PRSS12: variants seen among roughly 807,000 people sequenced by gnomAD.
PRSS12 encodes serine protease 12.
A neutral mutation model predicts 104.4 loss-of-function variants in PRSS12; 85 were observed. The ratio of observed to expected loss-of-function variants is 0.81; its 90% CI spans 0.68 to 0.98. The LOEUF is 0.98. Ranked by LOEUF, PRSS12 falls within the 50% of genes least tolerant of loss-of-function variation. The pLI is 0.00. For missense variants in PRSS12, 1,141 were observed against 1,139.2 expected, an observed-to-expected ratio of 1.00 and a Z score of -0.02; for synonymous variants, 454 against 425.2, an observed-to-expected ratio of 1.07 and a Z score of -0.83.
chr4:118,336,167 G>C (rs979970914), intron 2 of PRSS12, among the ~76,000 whole-genome samples: 1 of 152,038 alleles, frequency 6.6e-6, no homozygotes, highest in African/African-American at 2.4e-5. Flanking sequence ...ATAATATCAC[G>C]GGAGGCAATC....
rs79790938 is a variant in PRSS12, at chr4:118,350,556, G to A, written c.502+1663C>T. On this transcript the variant is annotated intron_variant, in intron 1 of 12. Coordinates refer to ENST00000296498, the MANE Select transcript of PRSS12 (RefSeq NM_003619.4). ...GAGTGGTTTCTTTTGTTTCTCTTTT[G>A]TTCAATCACTTTACTCCAGGAAGTA... 8.8e-3 allele frequency among the ~76,000 whole-genome samples: 1,343 copies of A among 152,134 alleles called. 45 individuals carry two copies. In the East Asian group the frequency reaches 0.13, roughly 15 times the overall value.
rs1743242736 is a variant in PRSS12, at chr4:118,295,914, G to A, written c.1838-58C>T. 21 of 1,439,322 alleles carry A rather than the reference G, an allele frequency of 1.5e-5. 1 individual carries two copies. Among genetic ancestry groups the A allele is most frequent in the Middle Eastern group, 3.5e-4 (2 of 5,708 alleles). The allele number at this position is 1,439,322 out of a possible 1,614,324, so 89.2% of individuals were successfully genotyped here. ...CACATTGCTGACAGAGGGGTAAGAC[G>A]ATAAGTGACATACTCCACTGATGCT... On this transcript the variant is annotated intron_variant, in intron 9 of 12. Coordinates refer to ENST00000296498, the MANE Select transcript of PRSS12 (RefSeq NM_003619.4).
Position 118,281,821 on chromosome 4 carries a change from A to T in PRSS12, c.*115T>A. The T allele has an allele frequency of 1.3e-6, 1 of 741,806 alleles. No individual in the cohort carries two copies. Among genetic ancestry groups the T allele is most frequent in the East Asian group, 2.5e-5 (1 of 39,676 alleles). 46.0% of individuals were successfully genotyped at this position (741,806 alleles called of 1,614,324 possible). A position where few individuals can be genotyped will look rare whatever the true frequency, so the allele number is the denominator to read the frequency against. On this transcript the variant is annotated 3_prime_UTR_variant, in exon 13 of 13. Transcript: ENST00000296498. Reference sequence around the variant, plus strand: ...AGCAGGGGGTACACAATTTTTTACCACAACACAAAGCAAAAACAGATCTTG... The same window carrying T: ...AGCAGGGGGTACACAATTTTTTACCTCAACACAAAGCAAAAACAGATCTTG...
Position 118,280,550 on chromosome 4 carries a change from T to A in PRSS12, c.*1386A>T, listed in dbSNP as rs1354824947. Reference sequence around the variant, plus strand: ...TTTGATGTAGAAGGGCAAAGTCCTTTAATGACTGGCATTCAAGAGGATTAC... The same window carrying A: ...TTTGATGTAGAAGGGCAAAGTCCTTAAATGACTGGCATTCAAGAGGATTAC... On this transcript the variant is annotated 3_prime_UTR_variant, in exon 13 of 13. Transcript: ENST00000296498. 1.3e-5 allele frequency: 2 copies of A among 152,258 alleles called. No individual in the cohort carries two copies. Among genetic ancestry groups the A allele is most frequent in the African/African-American group, 2.4e-5 (1 of 41,466 alleles). The allele number at this position is 152,258 out of a possible 1,614,324, so 9.4% of individuals were successfully genotyped here.
At chr4:118,289,568 T>C (rs1262595706) in intron 11 of PRSS12, among the ~76,000 whole-genome samples, 2 of 152,214 alleles carry the variant, frequency 1.3e-5, no homozygotes, top group Non-Finnish European at 2.9e-5. Flanking sequence ...CAGTCTCTAT[T>C]TTGCAAATTT....
At chr4:118,295,318 A>C (rs1041632489) in intron 10 of PRSS12, among the ~76,000 whole-genome samples, 2 of 152,248 alleles carry the variant, frequency 1.3e-5, no homozygotes, top group African/African-American at 4.8e-5. Context: ...TCTTAGAAAC[A>C]AGTTGTCTTC....
Position 118,318,602 on chromosome 4 carries a change from A to G in PRSS12, c.972-46T>C, listed in dbSNP as rs755285669. On this transcript the variant is annotated intron_variant, in intron 4 of 12. Coordinates refer to ENST00000296498, the MANE Select transcript of PRSS12 (RefSeq NM_003619.4). ...AAGGATTCTGGATTAGATACCAAAG[A>G]TTGGTCTTTTATTTTTTTTTTGTCC... 5.7e-6 allele frequency: 9 copies of G among 1,575,340 alleles called. No individual in the cohort carries two copies. In the South Asian group the frequency reaches 8.0e-5, roughly 14 times the overall value.
chr4:118,310,744 C>T (rs140244988), intron 7 of PRSS12, among the ~76,000 whole-genome samples: 2 of 152,180 alleles, frequency 1.3e-5, no homozygotes, highest in East Asian at 3.9e-4. Context: ...AACATGCATA[C>T]ATACACAGCA....
intron 1 of PRSS12, among the ~76,000 whole-genome samples, chr4:118,351,074 T>C (rs895850239): frequency 6.6e-6 from 1 of 152,178 alleles, no homozygotes; most frequent in African/African-American, 2.4e-5. Flanking sequence ...TTCCCGAGGA[T>C]AAAGGATAAT....
chr4:118,299,437 T>C (rs931034467), intron 8 of PRSS12, among the ~76,000 whole-genome samples: 1 of 152,082 alleles, frequency 6.6e-6, no homozygotes, highest in Non-Finnish European at 1.5e-5. Flanking sequence ...TCCCAACACT[T>C]TGGGAGGCCA....
rs1742822767 is a variant in PRSS12, at chr4:118,280,691, C to T, written c.*1245G>A. ...GTGTGCCTTTTAAATTTGAGCATTA[C>T]TGCTAAGAATGTTCTGTAAAGGTGC... On this transcript the variant is annotated 3_prime_UTR_variant, in exon 13 of 13. Coordinates refer to ENST00000296498, the MANE Select transcript of PRSS12 (RefSeq NM_003619.4). The T allele has an allele frequency of 6.6e-6, 1 of 152,226 alleles. No individual in the cohort carries two copies. The highest frequency in any genetic ancestry group is 1.5e-5 in the Non-Finnish European group (1 of 68,038). The allele number at this position is 152,226 out of a possible 1,614,324, so 9.4% of individuals were successfully genotyped here.
Position 118,352,737 on chromosome 4 carries a change from G to T in PRSS12, c.-17C>A, listed in dbSNP as rs770252205. On this transcript the variant is annotated 5_prime_UTR_variant, in exon 1 of 13. Transcript: ENST00000296498. The stretch of plus-strand genomic sequence containing the variant: ...GAGCGTCATGGTGCCAGCGCTGCGG[G>T]GTCTGGTCCATGCTCCCCAGCTTCT... The T allele has an allele frequency of 6.2e-7, 1 of 1,612,112 alleles. No homozygotes were observed. The highest frequency in any genetic ancestry group is 1.3e-5 in the African/African-American group (1 of 74,964).
chr4:118,283,003 C>T lies in PRSS12; in HGVS notation c.2148G>A (p.Arg716=). The change falls in exon 12 of 13, where the codon CGG becomes CGA. Residue 716 remains arginine, a synonymous_variant. Coordinates refer to ENST00000296498, the MANE Select transcript of PRSS12 (RefSeq NM_003619.4). ...AATCACTGCGGTCGGGTCGATACTC[C>T]CGATGAATCACAATCTGTTGAACTC... ...EIGVQQIVIH[R]EYRPDRSDYD... The T allele has an allele frequency of 6.2e-7, 1 of 1,614,108 alleles. No individual in the cohort carries two copies. Among genetic ancestry groups the T allele is most frequent in the African/African-American group, 1.3e-5 (1 of 75,016 alleles).
intron 9 of PRSS12, 82 bp from the exon 10 acceptor site, chr4:118,295,938 C>T: frequency 1.6e-6 from 2 of 1,225,336 alleles, no homozygotes; most frequent in Non-Finnish European, 1.2e-6. Context: ...TCCACTGATG[C>T]TTCCTCCTCT....
chr4:118,308,693 A>C, intron 7 of PRSS12, 116 bp from the exon 8 acceptor site: 1 of 1,409,120 alleles, frequency 7.1e-7, no homozygotes, highest in South Asian at 1.2e-5. Flanking sequence ...TCAGATGGGA[A>C]ATACTTTTTT....
chr4:118,346,005 GC>G (rs1724345326), intron 1 of PRSS12, among the ~76,000 whole-genome samples: 3 of 152,158 alleles, frequency 2.0e-5, no homozygotes, highest in Admixed American at 2.0e-4. Context: ...TCCAGTCTGG[GC>G]AAATGAAATG....
intron 3 of PRSS12, among the ~76,000 whole-genome samples, chr4:118,333,668 G>A (rs915625979): frequency 3.9e-5 from 6 of 152,068 alleles, no homozygotes; most frequent in African/African-American, 1.4e-4. Flanking sequence ...GGAGAAAACA[G>A]AAAAACAAAA....
chr4:118,334,157 C>T (rs762610853), intron 3 of PRSS12, among the ~76,000 whole-genome samples: 7 of 152,104 alleles, frequency 4.6e-5, no homozygotes, highest in South Asian at 2.1e-4. Context: ...TAATCTACCA[C>T]GAGAGAATCT....
At chr4:118,305,595 CT>C (rs1350691693) in intron 8 of PRSS12, among the ~76,000 whole-genome samples, 1 of 152,024 alleles carries the variant, frequency 6.6e-6, no homozygotes, top group Non-Finnish European at 1.5e-5. Context: ...TCCTTGTGTT[CT>C]TTTCTGAGGT....
Sources: allele counts gnomAD v4.1 joint callset (sites outside exome capture counted in the v4.1 genomes callset), GRCh38; gene constraint gnomAD v4.1.1; transcripts MANE v1.5; gene names NCBI Gene and HGNC (gene_info 2026-07-23, HGNC 2026-07-21).